The following TPST2 variants were observed in gnomAD, a reference collection of about 807,000 sequenced individuals.
TPST2 encodes the protein tyrosylprotein sulfotransferase 2.
TPST2 carries 16 observed loss-of-function variants against 27.8 expected under a neutral mutation model. The ratio of observed to expected loss-of-function variants is 0.58; its 90% CI spans 0.39 to 0.88. TPST2 has a LOEUF of 0.88. Ranked by LOEUF, TPST2 falls within the 40% of genes least tolerant of loss-of-function variation. TPST2 has a pLI of 0.00. For missense variants in TPST2, 464 were observed against 543.1 expected (o/e 0.85, Z 1.45); for synonymous variants, 229 against 231.7 (o/e 0.99, Z 0.10).
chr22:26,567,377 G>T (rs935615020), intron 1 of TPST2, among the ~76,000 whole-genome samples: 6 of 152,224 alleles, frequency 3.9e-5, no homozygotes, highest in Admixed American at 2.0e-4. Context: ...CTGGAAGTTG[G>T]TATACAGACC....
chr22:26,574,235 T>C (rs950477057), intron 1 of TPST2, among the ~76,000 whole-genome samples: 1 of 152,112 alleles, frequency 6.6e-6, no homozygotes, highest in African/African-American at 2.4e-5. Context: ...ACAACAAAAT[T>C]TTCGTTGCTA....
intron 1 of TPST2, among the ~76,000 whole-genome samples, chr22:26,569,900 C>G (rs562790800): frequency 7.1e-6 from 1 of 140,806 alleles, no homozygotes; most frequent in African/African-American, 2.7e-5. Flanking sequence ...TGCAGTGGGC[C>G]GAGATCATGC....
intron 1 of TPST2, among the ~76,000 whole-genome samples, chr22:26,579,899 C>T (rs184587830): frequency 8.9e-5 from 11 of 123,812 alleles, no homozygotes; most frequent in Non-Finnish European, 1.1e-4. Flanking sequence ...CAGGGAAAGA[C>T]GTGAGTTGGG....
At chr22:26,535,303 TGAA>T (rs1925390450) in intron 4 of TPST2, among the ~76,000 whole-genome samples, 1 of 152,234 alleles carries the variant, frequency 6.6e-6, no homozygotes, top group Non-Finnish European at 1.5e-5. Context: ...TGGGTCTTAA[TGAA>T]GTAAGGGCTG....
At chr22:26,554,017 G>C (rs1380335770) in intron 1 of TPST2, among the ~76,000 whole-genome samples, 1 of 152,104 alleles carries the variant, frequency 6.6e-6, no homozygotes, top group Non-Finnish European at 1.5e-5. Flanking sequence ...AATATATTTT[G>C]ACCCTCATGA....
chr22:26,588,672 C>G (rs73163240), intron 1 of TPST2, among the ~76,000 whole-genome samples: 2 of 151,864 alleles, frequency 1.3e-5, no homozygotes, highest in East Asian at 3.8e-4. Flanking sequence ...CAGAAATGAC[C>G]CAACAGTTCC....
chr22:26,550,389 TAAAGAAGG>T (rs1300765011), intron 1 of TPST2, among the ~76,000 whole-genome samples: 1 of 152,130 alleles, frequency 6.6e-6, no homozygotes, highest in Non-Finnish European at 1.5e-5. Flanking sequence ...CCCCAGGGGT[TAAAGAAGG>T]AAAGAAGGGA....
chr22:26,538,431 A>G (rs752689997), intron 3 of TPST2, among the ~76,000 whole-genome samples: 2 of 152,268 alleles, frequency 1.3e-5, no homozygotes, highest in African/African-American at 2.4e-5. Flanking sequence ...TGCTTGATAC[A>G]TATCAGTAAA....
At chr22:26,562,949 G>C (rs1345020402) in intron 1 of TPST2, among the ~76,000 whole-genome samples, 1 of 152,112 alleles carries the variant, frequency 6.6e-6, no homozygotes, top group Non-Finnish European at 1.5e-5. Flanking sequence ...AGATAGTTTT[G>C]GTGTTACAAT....
In TPST2 at chr22:26,540,930, A is replaced by C; in HGVS notation, c.701T>G (p.Leu234Arg). 2.5e-6 allele frequency: 4 copies of C among 1,614,212 alleles called. No individual in the cohort carries two copies. Among genetic ancestry groups the C allele is most frequent in the Middle Eastern group, 1.6e-4 (1 of 6,062 alleles). The change falls in exon 3 of 7, where the codon CTG becomes CGG. Residue 234 changes from leucine to arginine, a missense_variant. Transcript: ENST00000338754. The stretch of plus-strand genomic sequence containing the variant: ...CACCAGCTGCTCGTAGTACACAGGC[A>C]GGCACTTCTCCTTGCCTACCTCCAT... ...QCMEVGKEKC[L>R]PVYYEQLVLH...
chr22:26,581,044 ACACACACACG>A (rs1303095280), intron 1 of TPST2, among the ~76,000 whole-genome samples: 27 of 68,274 alleles, frequency 4.0e-4, no homozygotes, highest in African/African-American at 1.1e-3. Flanking sequence ...ACACACACAC[ACACACACACG>A]CACACACACA....
rs552200421 is a variant in TPST2, at chr22:26,583,828, G to A, written c.-161+6225C>T. 5.9e-5 allele frequency among the ~76,000 whole-genome samples: 9 copies of A among 152,094 alleles called. No individual in the cohort carries two copies. The South Asian group carries it at 6.2e-4, about 11-fold the overall frequency. On this transcript the variant is annotated intron_variant, in intron 1 of 6. Transcript: ENST00000338754. Reference sequence around the variant, plus strand: ...GCACTCCAGCCTGGGCGACAAGAGCGAGACTTCGTCTCAAAAAAAAAAAAT... The same window carrying A: ...GCACTCCAGCCTGGGCGACAAGAGCAAGACTTCGTCTCAAAAAAAAAAAAT...
chr22:26,539,801 A>C (rs1333882757), intron 3 of TPST2, among the ~76,000 whole-genome samples: 9 of 152,064 alleles, frequency 5.9e-5, no homozygotes, highest in African/African-American at 1.4e-4. Context: ...GAAAAACCCC[A>C]AAAAACAGAC....
chr22:26,587,158 T>C (rs549595164), intron 1 of TPST2, among the ~76,000 whole-genome samples: 15 of 152,244 alleles, frequency 9.9e-5, no homozygotes, highest in Admixed American at 2.6e-4. Context: ...CCTTCAGTTA[T>C]GGTCTAGGAG....
At chr22:26,576,934 A>G (rs532577016) in intron 1 of TPST2, among the ~76,000 whole-genome samples, 3 of 151,792 alleles carry the variant, frequency 2.0e-5, no homozygotes, top group Non-Finnish European at 4.4e-5. Context: ...GTCTCTACTA[A>G]AAATACAAAA....
At chr22:26,538,650 C>T (rs1341224369) in intron 3 of TPST2, among the ~76,000 whole-genome samples, 1 of 152,194 alleles carries the variant, frequency 6.6e-6, no homozygotes, top group African/African-American at 2.4e-5. Context: ...GGCAAAACCC[C>T]ATCTCTACTA....
At chr22:26,548,783 G>T (rs1005370919) in intron 1 of TPST2, among the ~76,000 whole-genome samples, 1 of 147,586 alleles carries the variant, frequency 6.8e-6, no homozygotes, top group Non-Finnish European at 1.5e-5. Context: ...GCAACAAAGT[G>T]AGACCCCATC....
At chr22:26,581,653 A>T (rs1280148978) in intron 1 of TPST2, among the ~76,000 whole-genome samples, 1 of 152,250 alleles carries the variant, frequency 6.6e-6, no homozygotes, top group East Asian at 1.9e-4. Flanking sequence ...AAGTGGAGAC[A>T]GTAGTATTGC....
chr22:26,575,609 C>A (rs1927802448), intron 1 of TPST2, among the ~76,000 whole-genome samples: 1 of 152,238 alleles, frequency 6.6e-6, no homozygotes, highest in Admixed American at 6.5e-5. Context: ...ATAGAGCAGG[C>A]ACACAGGAGG....
Sources: allele counts gnomAD v4.1 joint callset (sites outside exome capture counted in the v4.1 genomes callset), GRCh38; gene constraint gnomAD v4.1.1; transcripts MANE v1.5; gene names NCBI Gene and HGNC (gene_info 2026-07-23, HGNC 2026-07-21).